The following SAG variants were observed in gnomAD, a reference collection of about 807,000 sequenced individuals.
SAG encodes the protein S-antigen visual arrestin.
SAG carries 45 observed loss-of-function variants against 55.0 expected under a neutral mutation model. The observed-to-expected ratio is 0.82, with a 90% CI of 0.64 to 1.05. SAG has a LOEUF of 1.05. Among genes scored for constraint, SAG ranks in the 50% least tolerant of loss-of-function variants. The pLI, the probability that SAG is intolerant of heterozygous loss-of-function variation, is 0.00. For synonymous variants in SAG, 189 were observed against 197.4 expected (o/e 0.96, Z 0.36); for missense variants, 455 against 512.1 (o/e 0.89, Z 1.08).
rs1700013524 is a variant in SAG, at chr2:233,309,283, A to G, written c.75+19A>G. ...CAAATCGGTGAGTGGTGCACAAGTG[A>G]GTGATTTGATAGAAATTATTGTTTA... On this transcript the variant is annotated intron_variant, in intron 2 of 15. Transcript: ENST00000409110. The G allele has an allele frequency of 6.3e-7, 1 of 1,597,346 alleles. No homozygotes were observed. The highest frequency in any genetic ancestry group is 1.3e-5 in the African/African-American group (1 of 74,588).
rs201307508 is a variant in SAG at position 233,342,278 on chromosome 2, G to A, written c.1054G>A (p.Ala352Thr). The A allele has an allele frequency of 7.0e-5, 112 of 1,606,874 alleles. No individual in the cohort carries two copies. In the African/African-American group the frequency reaches 1.1e-3, roughly 16 times the overall value. The change falls in exon 14 of 16, where the codon GCC becomes ACC. Residue 352 changes from alanine (A) to threonine (T), a missense_variant. Physicochemically the swap from Ala to Thr is moderately conservative, Grantham distance 58. Transcript: ENST00000409110. ...FLGELTSSEV[A>T]TEVPFRLMHP... ...TTCATTCTTTTTTTCTAGTGAAGTC[G>A]CCACTGAGGTCCCATTCCGCCTCAT...
At chr2:233,310,196 G>A (rs76159808) in intron 2 of SAG, among the ~76,000 whole-genome samples, 2,062 of 152,280 alleles carry the variant, frequency 0.014, 24 homozygotes, top group Admixed American at 0.028. Context: ...AAAGCTTCTT[G>A]TGGGCCAAAA....
chr2:233,341,581 GA>G (rs2125351888), intron 13 of SAG, among the ~76,000 whole-genome samples: 1 of 152,268 alleles, frequency 6.6e-6, no homozygotes, highest in African/African-American at 2.4e-5. Context: ...CTAAGTGAAA[GA>G]AACCAATAAC....
chr2:233,311,620 G>A (rs1029303514), intron 2 of SAG, among the ~76,000 whole-genome samples: 2 of 152,100 alleles, frequency 1.3e-5, no homozygotes, highest in Non-Finnish European at 2.9e-5. Context: ...GCCCCCGAAG[G>A]CTGGCTACAG....
intron 10 of SAG, chr2:233,333,246 G>C (rs1700823668): frequency 6.6e-6 from 1 of 152,270 alleles, no homozygotes; most frequent in Non-Finnish European, 1.5e-5. Flanking sequence ...TCTGCCTTTA[G>C]GGGATCCTCG....
chr2:233,314,257 C>T (rs549122973), intron 2 of SAG, among the ~76,000 whole-genome samples: 15 of 151,958 alleles, frequency 9.9e-5, no homozygotes, highest in African/African-American at 2.7e-4. Context: ...GAGCTCCATG[C>T]GCCACACGGC....
chr2:233,325,671 G>T (rs1236352599), intron 6 of SAG, among the ~76,000 whole-genome samples: 2 of 152,166 alleles, frequency 1.3e-5, no homozygotes, highest in African/African-American at 4.8e-5. Flanking sequence ...AGATTTTTAG[G>T]TGACCTTTCT....
intron 2 of SAG, among the ~76,000 whole-genome samples, 179 bp from the exon 3 acceptor site, chr2:233,315,896 A>G (rs982430311): frequency 6.6e-6 from 1 of 151,380 alleles, no homozygotes; most frequent in East Asian, 2.0e-4. Context: ...TAGTAGAGAC[A>G]GGGTTTCACC....
At chr2:233,331,961 G>T (rs971693422) in intron 10 of SAG, 43 of 499,330 alleles carry the variant, frequency 8.6e-5, no homozygotes, top group Non-Finnish European at 1.5e-4. Context: ...GCAGAGGAGA[G>T]AAATAAAGAC....
chr2:233,320,937 T>C, intron 5 of SAG, 114 bp downstream of exon 5: 1 of 880,300 alleles, frequency 1.1e-6, no homozygotes, highest in East Asian at 2.8e-5. Context: ...GCCTGGAAAT[T>C]GCACCCTTGA....
chr2:233,328,183 G>C (rs534149757), intron 7 of SAG: 1 of 337,356 alleles, frequency 3.0e-6, no homozygotes, highest in South Asian at 7.9e-5. Context: ...TAGCCTTGCT[G>C]ACAGGAGGCA....
chr2:233,308,282 A>G (rs1343635810), intron 1 of SAG, among the ~76,000 whole-genome samples: 1 of 152,164 alleles, frequency 6.6e-6, no homozygotes, highest in East Asian at 1.9e-4. Context: ...CAATACAGTC[A>G]GACCCAGTCT....
intron 6 of SAG, 135 bp downstream of exon 6, chr2:233,323,140 C>A: frequency 1.5e-6 from 1 of 669,878 alleles, no homozygotes; most frequent in Non-Finnish European, 2.6e-6. Context: ...CTCACTGCAA[C>A]CTGTGGTTTC....
At chr2:233,346,312 C>T in intron 14 of SAG, 91 bp from the exon 15 acceptor site, 1 of 1,382,924 alleles carries the variant, frequency 7.2e-7, no homozygotes, top group Admixed American at 1.7e-5. Flanking sequence ...AAAAGGTAGA[C>T]ATTTTCTAGG....
At chr2:233,310,468 GC>G (rs1700047448) in intron 2 of SAG, among the ~76,000 whole-genome samples, 1 of 150,630 alleles carries the variant, frequency 6.6e-6, no homozygotes, top group Non-Finnish European at 1.5e-5. Context: ...TTAAGCAGTG[GC>G]TACCCTACTG....
At position 233,340,312 on chromosome 2, in the gene SAG, A is replaced by G. The variant is rs1165137910; in HGVS notation, c.1023-143A>G. On this transcript the variant is annotated intron_variant, in intron 12 of 15. Transcript: ENST00000409110. This position sits in a 1 kb window ranked among gnomAD's most constrained non-coding sequence, Gnocchi z 4.2. ...GAAGTCACAGGTAATGAAGTTGAAC[A>G]TTAAGGGATGGGAAGACCCTGGATG... The G allele has an allele frequency of 1.3e-5, 9 of 681,364 alleles. No homozygotes were observed. The Admixed American group carries it at 1.8e-4, about 14-fold the overall frequency. The allele number at this position is 681,364 out of a possible 1,614,324, so 42.2% of individuals were successfully genotyped here.
chr2:233,343,337 C>T (rs759299152), intron 14 of SAG: 15 of 163,988 alleles, frequency 9.1e-5, no homozygotes, highest in Middle Eastern at 3.0e-3. Context: ...CCCGCCTCAG[C>T]GTCCCAAAGT....
chr2:233,346,794 T>G lies in SAG; in HGVS notation c.1113-13T>G. On this transcript the variant is annotated splice_polypyrimidine_tract_variant and intron_variant, in intron 15 of 15. Coordinates refer to ENST00000409110, the MANE Select transcript of SAG (RefSeq NM_000541.5). ...GGCGTGCAATGATCAAAATGTTGTT[T>G]GTTTTATTTTAGTTATCAGGATGCA... 1 of 1,541,324 alleles carries G rather than the reference T, an allele frequency of 6.5e-7. No individual in the cohort carries two copies. The highest frequency in any genetic ancestry group is 2.3e-5 in the East Asian group (1 of 44,362).
At chr2:233,327,278 G>A (rs2125335345) in intron 7 of SAG, 81 bp downstream of exon 7, 1 of 1,152,954 alleles carries the variant, frequency 8.7e-7, no homozygotes, top group Admixed American at 1.7e-5. Flanking sequence ...GTCTCTGTGG[G>A]ACAGACCTCT....
Sources: gnomAD v4.1 joint callset for allele counts (sites outside exome capture counted in the v4.1 genomes callset) on GRCh38, gnomAD v4.1.1 for gene constraint, Gnocchi (gnomAD v3.1) non-coding constraint, MANE v1.5 for transcripts, NCBI Gene and HGNC (gene_info 2026-07-23, HGNC 2026-07-21) for gene names.